TOX2: variants seen among roughly 807,000 people sequenced by gnomAD.
TOX2 encodes the protein TOX high mobility group box family member 2.
In TOX2, 15 loss-of-function variants were observed where a neutral mutation model predicts 47.4. That is an observed-to-expected ratio of 0.32 (90% confidence interval 0.21 to 0.49). The LOEUF (loss-of-function observed/expected upper bound fraction) is 0.49, where lower values mean the gene tolerates loss of function less well. TOX2 is among the 20% of genes least tolerant of loss of function. The pLI, the probability that TOX2 is intolerant of heterozygous loss-of-function variation, is 0.99. For synonymous variants in TOX2, 290 were observed against 296.6 expected (o/e 0.98, Z 0.23); for missense variants, 622 against 673.1 (o/e 0.92, Z 0.84).
intron 7 of TOX2, 81 bp from the exon 8 acceptor site, chr20:44,066,649 G>T (rs1298402534): frequency 1.6e-5 from 25 of 1,606,880 alleles, no homozygotes; most frequent in Non-Finnish European, 2.0e-5. Context: ...TTGGACACAT[G>T]GGCTCTCACC....
chr20:44,026,566 A>T (rs960627230), intron 3 of TOX2, among the ~76,000 whole-genome samples: 9 of 151,934 alleles, frequency 5.9e-5, no homozygotes, highest in Non-Finnish European at 1.0e-4. Context: ...ATTATGGATT[A>T]AAAAAACCCT....
intron 1 of TOX2, chr20:43,945,948 G>C: frequency 6.2e-7 from 1 of 1,613,904 alleles, no homozygotes; most frequent in Non-Finnish European, 8.5e-7. Flanking sequence ...TCGCGGGCGC[G>C]TTCTCTCGCT....
intron 3 of TOX2, among the ~76,000 whole-genome samples, chr20:44,045,209 G>A (rs962158718): frequency 2.6e-5 from 4 of 152,142 alleles, no homozygotes; most frequent in Admixed American, 1.3e-4. Flanking sequence ...GCATAATGGC[G>A]TGAACATATT....
At chr20:43,926,223 A>C (rs1270222535) in intron 1 of TOX2, among the ~76,000 whole-genome samples, 3 of 152,122 alleles carry the variant, frequency 2.0e-5, no homozygotes, top group Admixed American at 1.3e-4. Flanking sequence ...TGTCTCATTT[A>C]TTCTGCAAAT....
intron 3 of TOX2, among the ~76,000 whole-genome samples, chr20:44,018,667 A>G (rs2070924858): frequency 6.6e-6 from 1 of 152,186 alleles, no homozygotes; most frequent in African/African-American, 2.4e-5. Flanking sequence ...GGCTTTGTCC[A>G]TTTAGAACTC....
intron 3 of TOX2, among the ~76,000 whole-genome samples, chr20:44,013,938 T>G (rs564037839): frequency 5.6e-4 from 85 of 152,096 alleles, no homozygotes; most frequent in African/African-American, 2.0e-3. Context: ...AAGACCAGCC[T>G]GGCCAACATA....
At chr20:43,967,635 C>T (rs1448922044) in intron 1 of TOX2, among the ~76,000 whole-genome samples, 1 of 152,148 alleles carries the variant, frequency 6.6e-6, no homozygotes, top group Admixed American at 6.5e-5. Context: ...TCCTCCCTCT[C>T]ATCCCAGCCA....
chr20:43,995,490 C>G (rs2070457899), intron 2 of TOX2, among the ~76,000 whole-genome samples: 1 of 152,150 alleles, frequency 6.6e-6, no homozygotes, highest in South Asian at 2.1e-4. Context: ...CTGAATCGCA[C>G]TACAGTCTTT....
intron 2 of TOX2, among the ~76,000 whole-genome samples, chr20:43,981,225 A>T (rs1307524915): frequency 6.6e-6 from 1 of 152,212 alleles, no homozygotes; most frequent in Non-Finnish European, 1.5e-5. Context: ...TGGGCAGGGT[A>T]AATGGACAAC....
chr20:43,963,321 G>T (rs1380867266), intron 1 of TOX2, among the ~76,000 whole-genome samples: 1 of 152,204 alleles, frequency 6.6e-6, no homozygotes. Flanking sequence ...CTTGTTGGGG[G>T]TGGGGACAAG....
At chr20:44,021,401 G>A (rs1600746071) in intron 3 of TOX2, among the ~76,000 whole-genome samples, 1 of 152,250 alleles carries the variant, frequency 6.6e-6, no homozygotes, top group Middle Eastern at 3.4e-3. Flanking sequence ...GAGATTCTAA[G>A]ACTGAAGGAT....
chr20:43,976,780 G>GCA (rs1555835285), intron 2 of TOX2, among the ~76,000 whole-genome samples: 1 of 125,464 alleles, frequency 8.0e-6, no homozygotes, highest in Non-Finnish European at 1.6e-5. Context: ...GCGAGCGCGC[G>GCA]CGCACACACA....
chr20:44,013,603 AC>A (rs2070820225), intron 3 of TOX2, among the ~76,000 whole-genome samples: 1 of 152,148 alleles, frequency 6.6e-6, no homozygotes, highest in African/African-American at 2.4e-5. Flanking sequence ...GTAACAAACT[AC>A]CCCAATACCT....
At chr20:43,967,670 CATCT>C (rs2145452167) in intron 1 of TOX2, among the ~76,000 whole-genome samples, 1 of 152,258 alleles carries the variant, frequency 6.6e-6, no homozygotes, top group Admixed American at 6.5e-5. Flanking sequence ...CCCAACCACC[CATCT>C]ATTTGTCCAT....
Position 43,976,023 on chromosome 20 carries a change from T to C in TOX2, c.165+2591T>C, listed in dbSNP as rs73118286. Among the ~76,000 whole-genome samples the C allele has an allele frequency of 9.2e-3, 1,402 of 152,374 alleles. 12 individuals are homozygous for C. Among genetic ancestry groups the C allele is most frequent in the Middle Eastern group, 0.02 (6 of 294 alleles). The stretch of plus-strand genomic sequence containing the variant: ...AGAGGGTCTCCCTAACTTAGGACTT[T>C]ATGAAGAAGATATCAAAATTCTCTG... On this transcript the variant is annotated intron_variant, in intron 2 of 8. Transcript: ENST00000341197.
chr20:44,001,446 A>G (rs952665094), intron 2 of TOX2, among the ~76,000 whole-genome samples: 17 of 152,238 alleles, frequency 1.1e-4, no homozygotes, highest in African/African-American at 4.1e-4. Flanking sequence ...GTAGGATTTG[A>G]TTGCATTCAG....
chr20:44,052,435 T>G (rs1057086472), intron 4 of TOX2, among the ~76,000 whole-genome samples: 2 of 152,188 alleles, frequency 1.3e-5, no homozygotes, highest in Non-Finnish European at 2.9e-5. Flanking sequence ...CCTCCGTGCC[T>G]CCTGCCTCTG....
intron 1 of TOX2, among the ~76,000 whole-genome samples, chr20:43,967,043 A>C (rs1177173281): frequency 6.6e-6 from 1 of 152,174 alleles, no homozygotes; most frequent in Non-Finnish European, 1.5e-5. Flanking sequence ...TTGTGTTCAC[A>C]CTCAGCATAC....
intron 1 of TOX2, among the ~76,000 whole-genome samples, chr20:43,969,526 C>G (rs577245942): frequency 6.6e-6 from 1 of 152,198 alleles, no homozygotes; most frequent in African/African-American, 2.4e-5. Context: ...AAGCCCCAGG[C>G]CTTAGAGTAC....
Sources: gnomAD v4.1 joint callset for allele counts (sites outside exome capture counted in the v4.1 genomes callset) on GRCh38, gnomAD v4.1.1 for gene constraint, MANE v1.5 for transcripts, NCBI Gene and HGNC (gene_info 2026-07-23, HGNC 2026-07-21) for gene names.